Variants in PSMA6 observed in about 807,000 individuals in gnomAD.
The protein encoded by PSMA6 is proteasome 20S subunit alpha 6.
For missense variants in PSMA6, 170 were observed against 294.8 expected, an observed-to-expected ratio of 0.58 and a Z score of 3.10; for synonymous variants, 88 against 97.7, an observed-to-expected ratio of 0.90 and a Z score of 0.59.
chr14:35,287,786 C>T (rs2051437214), upstream of PSMA6, among the ~76,000 whole-genome samples: 1 of 152,176 alleles, frequency 6.6e-6, no homozygotes, highest in Admixed American at 6.5e-5. Context: ...GCCACCCAGG[C>T]TTGTGTTAGA....
chr14:35,293,122 A>G (rs1216876637), intron 1 of PSMA6: 13 of 432,552 alleles, frequency 3.0e-5, no homozygotes, highest in African/African-American at 2.2e-4. Context: ...TAAAAGTGCC[A>G]ATTTACAAAT....
At chr14:35,278,731 C>T in intron 1 of PSMA6, 1 of 1,534,136 alleles carries the variant, frequency 6.5e-7, no homozygotes, top group South Asian at 1.2e-5. Flanking sequence ...AAGTCCCTCA[C>T]TCAGACTTGT....
At chr14:35,307,879 A>G (rs1261128499) in intron 1 of PSMA6, 115 bp from the exon 2 acceptor site, 3 of 911,200 alleles carry the variant, frequency 3.3e-6, no homozygotes, top group African/African-American at 1.7e-5. Context: ...CTGGAATGCT[A>G]TATGAGCATT....
At chr14:35,281,821 T>C (rs2051368856) in intron 1 of PSMA6, among the ~76,000 whole-genome samples, 1 of 152,202 alleles carries the variant, frequency 6.6e-6, no homozygotes, top group South Asian at 2.1e-4. Context: ...ACTCTTTGCC[T>C]CTATCAGTCC....
chr14:35,296,387 A>G (rs558489665), intron 1 of PSMA6, among the ~76,000 whole-genome samples: 3 of 152,096 alleles, frequency 2.0e-5, no homozygotes, highest in African/African-American at 2.4e-5. Flanking sequence ...CTAGAGTGCA[A>G]TGGCGTGATC....
At chr14:35,297,119 GTT>G (rs924383407) in intron 1 of PSMA6, among the ~76,000 whole-genome samples, 1,654 of 62,580 alleles carry the variant, frequency 0.026, 15 homozygotes, top group African/African-American at 0.096. Flanking sequence ...TCTTAACAAA[GTT>G]TTTTTTTTTT....
Position 35,308,901 on chromosome 14 carries a change from TTTTG to T in PSMA6, c.172-9_172-6del, listed in dbSNP as rs747806556. The T allele has an allele frequency of 4.4e-5, 69 of 1,562,996 alleles. No individual in the cohort carries two copies. The highest frequency in any genetic ancestry group is 5.0e-5 in the Non-Finnish European group (57 of 1,143,488). On this transcript the variant is annotated splice_polypyrimidine_tract_variant and intron_variant, in intron 2 of 6. Transcript: ENST00000261479. ...TTTTTTAAAAAATTATCTTTGTTTA[TTTTG>T]TTTATTAGGACAAATTATTGGATTC...
chr14:35,313,830 G>C (rs2051987654), intron 5 of PSMA6: 1 of 152,252 alleles, frequency 6.6e-6, no homozygotes. Context: ...ATGGTGGCAG[G>C]CGCCTGTAAT....
chr14:35,307,331 C>T (rs892911802), intron 1 of PSMA6, among the ~76,000 whole-genome samples: 1 of 152,148 alleles, frequency 6.6e-6, no homozygotes, highest in Non-Finnish European at 1.5e-5. Flanking sequence ...AAATTTAAAG[C>T]AGCTAAATTT....
chr14:35,281,119 T>C (rs1329177649), intron 1 of PSMA6, among the ~76,000 whole-genome samples: 1 of 152,180 alleles, frequency 6.6e-6, no homozygotes, highest in African/African-American at 2.4e-5. Flanking sequence ...CCTTTCTCCC[T>C]ACCCTGCCTC....
chr14:35,299,502 A>G (rs573617960), intron 1 of PSMA6, among the ~76,000 whole-genome samples: 34 of 150,052 alleles, frequency 2.3e-4, no homozygotes, highest in Middle Eastern at 3.5e-3. Context: ...TTGTATTTTT[A>G]ATAGAGGCAG....
chr14:35,292,370 G>A (rs2051498929), upstream of PSMA6: 2 of 1,531,430 alleles, frequency 1.3e-6, no homozygotes, highest in Non-Finnish European at 1.8e-6. Flanking sequence ...GAAGAAACGC[G>A]GCTGGTACCC....
intron 1 of PSMA6, chr14:35,293,106 AAAAATT>A (rs1295472330): frequency 2.3e-6 from 1 of 433,522 alleles, no homozygotes; most frequent in Non-Finnish European, 4.6e-6. Flanking sequence ...AACGGATAAA[AAAAATT>A]AAAAGTGCCA....
intron 1 of PSMA6, among the ~76,000 whole-genome samples, chr14:35,300,917 G>A (rs972519769): frequency 6.6e-6 from 1 of 152,192 alleles, no homozygotes; most frequent in Non-Finnish European, 1.5e-5. Context: ...GGTTTATAAA[G>A]AGGAAGAGTT....
At chr14:35,291,051 G>C (rs1210796841), upstream of PSMA6, among the ~76,000 whole-genome samples, 1 of 151,592 alleles carries the variant, frequency 6.6e-6, no homozygotes, top group Non-Finnish European at 1.5e-5. Flanking sequence ...GAGTGCAGTG[G>C]CGTGATCATA....
intron 1 of PSMA6, among the ~76,000 whole-genome samples, chr14:35,279,952 G>A (rs1308861441): frequency 2.0e-5 from 3 of 150,740 alleles, no homozygotes; most frequent in African/African-American, 4.9e-5. Context: ...GTGAAACCCC[G>A]TCTCTACTAA....
chr14:35,291,845 A>C (rs71640264), upstream of PSMA6, among the ~76,000 whole-genome samples: 240 of 146,548 alleles, frequency 1.6e-3, 4 homozygotes, highest in African/African-American at 4.5e-3. Context: ...AAAAAAAAAA[A>C]AAGACTAAAA....
intron 1 of PSMA6, among the ~76,000 whole-genome samples, chr14:35,295,226 C>T (rs2051560843): frequency 6.6e-6 from 1 of 151,634 alleles, no homozygotes; most frequent in African/African-American, 2.4e-5. Flanking sequence ...AGTCCTACCT[C>T]CTCAGGAAGC....
chr14:35,288,551 C>T (rs1367631194), upstream of PSMA6, among the ~76,000 whole-genome samples: 3 of 152,142 alleles, frequency 2.0e-5, no homozygotes. Context: ...GTGGCCACCA[C>T]CCTCAAGGAG....
Sources: allele counts gnomAD v4.1 joint callset (sites outside exome capture counted in the v4.1 genomes callset), GRCh38; gene constraint gnomAD v4.1.1; transcripts MANE v1.5; gene names NCBI Gene and HGNC (gene_info 2026-07-23, HGNC 2026-07-21).